GABRA3: variants seen among roughly 807,000 people sequenced by gnomAD.
GABRA3 encodes gamma-aminobutyric acid receptor subunit alpha-3.
In GABRA3, 10 loss-of-function variants were observed where a neutral mutation model predicts 30.1. The ratio of observed to expected loss-of-function variants is 0.33; its 90% CI spans 0.20 to 0.56. GABRA3 has a LOEUF of 0.56. GABRA3 is among the 20% of genes least tolerant of loss of function. The pLI is 0.89. For missense variants in GABRA3, 233 were observed against 392.0 expected, an observed-to-expected ratio of 0.59 and a Z score of 3.42; for synonymous variants, 151 against 146.8, an observed-to-expected ratio of 1.03 and a Z score of -0.21.
chrX:152,295,378 T>C (rs1307637976), intron 3 of GABRA3, among the ~76,000 whole-genome samples: 1 of 112,949 alleles, frequency 8.9e-6, no homozygotes, highest in Non-Finnish European at 1.9e-5. Context: ...AGCTGCTTTG[T>C]TTACCTGCTC....
intron 3 of GABRA3, among the ~76,000 whole-genome samples, chrX:152,303,965 C>A (rs1192286216): frequency 8.9e-6 from 1 of 111,907 alleles, no homozygotes; most frequent in Non-Finnish European, 1.9e-5. Context: ...TATCCCAGAA[C>A]TTAAAGTAAA....
At chrX:152,440,212 T>C (rs1930888146) in intron 1 of GABRA3, among the ~76,000 whole-genome samples, 1 of 112,218 alleles carries the variant, frequency 8.9e-6, no homozygotes, top group South Asian at 3.7e-4. Flanking sequence ...GGGCAAAGGA[T>C]ATGAACAGGC....
intron 3 of GABRA3, among the ~76,000 whole-genome samples, chrX:152,287,936 C>G (rs1290974422): frequency 9.0e-6 from 1 of 110,869 alleles, no homozygotes; most frequent in Non-Finnish European, 1.9e-5. Flanking sequence ...CTAGATCAAA[C>G]TTCTCAACAT....
chrX:152,389,974 A>G (rs1185546949), intron 1 of GABRA3, among the ~76,000 whole-genome samples: 1 of 111,733 alleles, frequency 8.9e-6, no homozygotes, highest in Non-Finnish European at 1.9e-5. Flanking sequence ...GTTCACATGG[A>G]TAAGATTTGA....
At chrX:152,316,949 A>G (rs1603240279) in intron 3 of GABRA3, among the ~76,000 whole-genome samples, 2 of 111,956 alleles carry the variant, frequency 1.8e-5, no homozygotes, top group East Asian at 2.8e-4. Flanking sequence ...CAAAAACACA[A>G]TTAAAAAACC....
intron 1 of GABRA3, among the ~76,000 whole-genome samples, chrX:152,365,060 T>C (rs73639085): frequency 0.11 from 12,393 of 111,446 alleles, 546 homozygotes; most frequent in South Asian, 0.13. Context: ...CAAAGTCCTT[T>C]GCCTTGGTTA....
At chrX:152,235,559 G>GAA (rs34190007) in intron 5 of GABRA3, among the ~76,000 whole-genome samples, 3 of 110,258 alleles carry the variant, frequency 2.7e-5, no homozygotes, top group African/African-American at 9.9e-5. Flanking sequence ...GAATCAACGG[G>GAA]AAAAATTCAG....
intron 6 of GABRA3, 138 bp downstream of exon 6, chrX:152,224,625 C>G: frequency 2.5e-6 from 1 of 402,466 alleles, no homozygotes; most frequent in Non-Finnish European, 4.4e-6. Flanking sequence ...CAACCCCACT[C>G]TCTGACCCAC....
intron 1 of GABRA3, among the ~76,000 whole-genome samples, chrX:152,425,065 A>C (rs1930484830): frequency 9.7e-6 from 1 of 102,879 alleles, no homozygotes; most frequent in South Asian, 4.6e-4. Context: ...CTGCCTCCTG[A>C]GTAGCTGAGG....
At chrX:152,168,690 G>T (rs1383657762) in intron 9 of GABRA3, 127 bp from the exon 10 acceptor site, 85 of 489,830 alleles carry the variant, frequency 1.7e-4, no homozygotes, top group Non-Finnish European at 3.5e-6. Context: ...CAGGGGCCAT[G>T]TAGCCAATAG....
At position 152,350,057 on chromosome X, in the gene GABRA3, T is replaced by A. The variant is rs1478791547; in HGVS notation, c.141-4355A>T. On this transcript the variant is annotated intron_variant, in intron 2 of 9. Transcript: ENST00000370314. ...CCAAAATTGACCACATAGTTGGAAG[T>A]AAAGCTCTCCTCAGCAAATGTAAAA... Among the ~76,000 whole-genome samples, 12 of 89,528 alleles carry A rather than the reference T, an allele frequency of 1.3e-4. No individual in the cohort carries two copies. The South Asian group carries it at 5.6e-3, about 42-fold the overall frequency. 77.7% of individuals were successfully genotyped at this position (89,528 alleles called of 115,157 possible).
At position 152,197,762 on chromosome X, in the gene GABRA3, G is replaced by A. The variant is rs1402577464; in HGVS notation, c.802C>T (p.His268Tyr). The change falls in exon 8 of 10, where the codon CAC becomes TAC. Residue 268 changes from histidine to tyrosine, a missense_variant. Physicochemically the swap from His to Tyr is moderately conservative, Grantham distance 83. Transcript: ENST00000370314. ...CCAATTTTTCGCTTGAGATGGAAGT[G>A]GGTTGTCATGACGACATATTCTCCT... ...STGEYVVMTT[H>Y]FHLKRKIGYF... 1 of 1,208,578 alleles carries A rather than the reference G, an allele frequency of 8.3e-7. No individual in the cohort carries two copies. Among genetic ancestry groups the A allele is most frequent in the Admixed American group, 2.2e-5 (1 of 45,927 alleles).
chrX:152,338,395 C>G (rs6653478), intron 3 of GABRA3, among the ~76,000 whole-genome samples: 2 of 110,888 alleles, frequency 1.8e-5, no homozygotes, highest in Non-Finnish European at 3.8e-5. Flanking sequence ...TTTTTTGCTA[C>G]TGAGTTTTTT....
intron 5 of GABRA3, among the ~76,000 whole-genome samples, chrX:152,232,997 G>C (rs1432373090): frequency 9.1e-6 from 1 of 110,323 alleles, no homozygotes; most frequent in Non-Finnish European, 1.9e-5. Flanking sequence ...GTTTGTTTTT[G>C]CATTTTAATA....
At chrX:152,172,466 G>A (rs1258566019) in intron 9 of GABRA3, among the ~76,000 whole-genome samples, 2 of 111,454 alleles carry the variant, frequency 1.8e-5, no homozygotes, top group Non-Finnish European at 3.8e-5. Context: ...CAAATTATAA[G>A]CAGGGTCTCA....
chrX:152,231,328 CGT>C (rs1178125299), intron 5 of GABRA3, among the ~76,000 whole-genome samples: 7 of 107,708 alleles, frequency 6.5e-5, no homozygotes, highest in African/African-American at 1.0e-4. Flanking sequence ...TGTGTGTACA[CGT>C]GTGTGTATAC....
chrX:152,174,542 T>G (rs781044649), intron 9 of GABRA3, among the ~76,000 whole-genome samples: 218 of 112,461 alleles, frequency 1.9e-3, no homozygotes, highest in African/African-American at 6.5e-3. Context: ...TGATGGCCAG[T>G]GATGATGAGC....
In GABRA3 at chrX:152,364,442, C is replaced by T; in HGVS notation, c.129G>A (p.Gln43=). 8.3e-7 allele frequency: 1 copy of T among 1,209,338 alleles called. No individual in the cohort carries two copies. ...TTAGGGGTTCTTACCCGCCAATGTC[C>T]TGCTTCACAAAGTCCCCGGGTTCTT... ...RRQEPGDFVK[Q]DIGGLSPKHA... The change falls in exon 2 of 10, where the codon CAG becomes CAA. Residue 43 remains glutamine (Q), a synonymous_variant. Transcript: ENST00000370314.
intron 3 of GABRA3, among the ~76,000 whole-genome samples, chrX:152,296,044 C>T (rs1939522777): frequency 8.9e-6 from 1 of 112,253 alleles, no homozygotes; most frequent in African/African-American, 3.2e-5. Context: ...ATGACAGACT[C>T]TTTAGTTCCT....
Sources: gnomAD v4.1 joint callset for allele counts (sites outside exome capture counted in the v4.1 genomes callset) on GRCh38, gnomAD v4.1.1 for gene constraint, MANE v1.5 for transcripts, NCBI Gene and HGNC (gene_info 2026-07-23, HGNC 2026-07-21) for gene names.